The following SPATA16 variants were observed in gnomAD, a reference collection of about 807,000 sequenced individuals.
The protein encoded by SPATA16 is spermatogenesis-associated protein 16.
Under a neutral mutation model 63.3 loss-of-function variants are expected in SPATA16, and 36 were observed. The ratio of observed to expected loss-of-function variants is 0.57; its 90% CI spans 0.44 to 0.75. The LOEUF (loss-of-function observed/expected upper bound fraction) is 0.75. Among genes scored for constraint, SPATA16 ranks in the 30% least tolerant of loss-of-function variants. The pLI is 0.00. For synonymous variants in SPATA16, 203 were observed against 216.7 expected (o/e 0.94, Z 0.56); for missense variants, 646 against 679.3 (o/e 0.95, Z 0.54).
intron 4 of SPATA16, among the ~76,000 whole-genome samples, chr3:173,007,746 T>TA (rs1309957784): frequency 6.6e-6 from 1 of 151,968 alleles, no homozygotes; most frequent in Non-Finnish European, 1.5e-5. Context: ...TCACCAAAGC[T>TA]ATTGAATTGA....
chr3:173,122,048 T>C (rs748323541), intron 1 of SPATA16, among the ~76,000 whole-genome samples: 7 of 152,204 alleles, frequency 4.6e-5, no homozygotes, highest in Non-Finnish European at 8.8e-5. Context: ...GAAGTATTTG[T>C]TGGTAACATT....
At chr3:173,029,411 T>TTG (rs1471230151) in intron 3 of SPATA16, among the ~76,000 whole-genome samples, 2 of 147,186 alleles carry the variant, frequency 1.4e-5, no homozygotes, top group South Asian at 2.1e-4. Flanking sequence ...TCAGAGTTTT[T>TTG]TTTTTGTTTG....
chr3:172,942,045 G>T (rs936087638), intron 6 of SPATA16, among the ~76,000 whole-genome samples: 1 of 151,992 alleles, frequency 6.6e-6, no homozygotes, highest in Admixed American at 6.6e-5. Flanking sequence ...GTTAGGAGGG[G>T]GGAAAAGCAT....
At chr3:172,960,608 A>G (rs902448148) in intron 5 of SPATA16, among the ~76,000 whole-genome samples, 1 of 152,212 alleles carries the variant, frequency 6.6e-6, no homozygotes, top group Non-Finnish European at 1.5e-5. Flanking sequence ...TTAGAAATCA[A>G]CTTGCCCAGG....
chr3:173,107,702 C>T (rs1396420533), intron 2 of SPATA16, among the ~76,000 whole-genome samples: 1 of 152,136 alleles, frequency 6.6e-6, no homozygotes, highest in Admixed American at 6.5e-5. Flanking sequence ...AAGTGGATCT[C>T]ATCTACTCAC....
intron 2 of SPATA16, 73 bp from the exon 3 acceptor site, chr3:173,049,167 GTGTA>G: frequency 6.8e-7 from 1 of 1,467,296 alleles, no homozygotes; most frequent in Non-Finnish European, 9.3e-7. Context: ...AGCAAAACAT[GTGTA>G]TGTTTTATTT....
At chr3:173,048,021 A>G (rs1281290505) in intron 3 of SPATA16, among the ~76,000 whole-genome samples, 1 of 152,128 alleles carries the variant, frequency 6.6e-6, no homozygotes, top group African/African-American at 2.4e-5. Context: ...CTTTTACCAT[A>G]CTAATAAATC....
intron 3 of SPATA16, among the ~76,000 whole-genome samples, chr3:173,022,100 G>A (rs1735345757): frequency 6.6e-6 from 1 of 152,038 alleles, no homozygotes; most frequent in Admixed American, 6.6e-5. Flanking sequence ...TTGGATGTAG[G>A]CAGAGAAGAT....
At chr3:173,121,311 T>C (rs1234832737) in intron 1 of SPATA16, among the ~76,000 whole-genome samples, 1 of 152,178 alleles carries the variant, frequency 6.6e-6, no homozygotes, top group East Asian at 1.9e-4. Context: ...AATCTGGAAT[T>C]TGAGGCCTTT....
At chr3:172,899,885 C>G (rs1394133428) in intron 10 of SPATA16, among the ~76,000 whole-genome samples, 1 of 151,868 alleles carries the variant, frequency 6.6e-6, no homozygotes, top group Non-Finnish European at 1.5e-5. Flanking sequence ...GTCTCTTCAC[C>G]CTCTCCCATT....
intron 7 of SPATA16, among the ~76,000 whole-genome samples, chr3:172,924,592 C>A (rs562471795): frequency 6.6e-6 from 1 of 152,274 alleles, no homozygotes; most frequent in African/African-American, 2.4e-5. Context: ...ATTCACCTAT[C>A]TCTTCAGACT....
chr3:173,031,333 A>G (rs705039), intron 3 of SPATA16, among the ~76,000 whole-genome samples: 18,997 of 151,848 alleles, frequency 0.13, 1,423 homozygotes, highest in Non-Finnish European at 0.15. Context: ...TAGTGCACAA[A>G]TATTATATCT....
intron 2 of SPATA16, among the ~76,000 whole-genome samples, chr3:173,079,965 G>A (rs1046116261): frequency 2.6e-5 from 4 of 152,044 alleles, no homozygotes; most frequent in Non-Finnish European, 5.9e-5. Flanking sequence ...ATAAAAATAC[G>A]CAATGCCTAA....
intron 2 of SPATA16, among the ~76,000 whole-genome samples, chr3:173,108,154 C>T (rs779337180): frequency 1.3e-5 from 2 of 152,006 alleles, no homozygotes; most frequent in Non-Finnish European, 2.9e-5. Context: ...TCATTTTTTT[C>T]GGTGAAGTTT....
At chr3:173,057,902 C>G (rs1652146753) in intron 2 of SPATA16, among the ~76,000 whole-genome samples, 1 of 152,034 alleles carries the variant, frequency 6.6e-6, no homozygotes, top group South Asian at 2.1e-4. Flanking sequence ...AAGTCTTGGT[C>G]CACAACAGAT....
chr3:173,053,550 A>C (rs557583521), intron 2 of SPATA16, among the ~76,000 whole-genome samples: 1 of 152,324 alleles, frequency 6.6e-6, no homozygotes, highest in East Asian at 1.9e-4. Context: ...CAAATAACAT[A>C]AACCACATTA....
At chr3:172,947,145 G>A (rs1188041305) in intron 6 of SPATA16, among the ~76,000 whole-genome samples, 2 of 152,136 alleles carry the variant, frequency 1.3e-5, no homozygotes, top group African/African-American at 4.8e-5. Context: ...AGGACTTTAG[G>A]TGCCCCCTAA....
At chr3:172,964,618 T>C (rs2108242092) in intron 5 of SPATA16, among the ~76,000 whole-genome samples, 1 of 152,334 alleles carries the variant, frequency 6.6e-6, no homozygotes, top group African/African-American at 2.4e-5. Flanking sequence ...TTTTTTGTCA[T>C]TGTGCATTTC....
At chr3:172,972,886 C>T (rs537418466) in intron 5 of SPATA16, among the ~76,000 whole-genome samples, 3 of 152,150 alleles carry the variant, frequency 2.0e-5, no homozygotes, top group East Asian at 1.9e-4. Context: ...ACATAGATAG[C>T]GTTGATGATA....
Sources: gnomAD v4.1 joint callset for allele counts (sites outside exome capture counted in the v4.1 genomes callset) on GRCh38, gnomAD v4.1.1 for gene constraint, MANE v1.5 for transcripts, NCBI Gene and HGNC (gene_info 2026-07-23, HGNC 2026-07-21) for gene names.